ATP6V0A2: variants seen among roughly 807,000 people sequenced by gnomAD.
ATP6V0A2 encodes V-type proton ATPase 116 kDa subunit a 2.
Under a neutral mutation model 104.4 loss-of-function variants are expected in ATP6V0A2, and 58 were observed. That is an observed-to-expected ratio of 0.56 (90% CI 0.45 to 0.69). The LOEUF (loss-of-function observed/expected upper bound fraction) is 0.69, where lower values mean the gene tolerates loss of function less well. ATP6V0A2 is among the 30% of genes least tolerant of loss of function. The pLI, the probability that ATP6V0A2 is intolerant of heterozygous loss-of-function variation, is 0.00. For synonymous variants in ATP6V0A2, 376 were observed against 397.9 expected, an observed-to-expected ratio of 0.95 and a Z score of 0.65; for missense variants, 938 against 1,062.9, an observed-to-expected ratio of 0.88 and a Z score of 1.63.
chr12:123,739,910 T>C (rs1345666589), intron 9 of ATP6V0A2, among the ~76,000 whole-genome samples: 1 of 152,236 alleles, frequency 6.6e-6, no homozygotes, highest in Non-Finnish European at 1.5e-5. Flanking sequence ...AGTTTAGTTT[T>C]TTGTTTTGTT....
intron 2 of ATP6V0A2, chr12:123,721,282 A>C (rs1168191038): frequency 5.0e-6 from 1 of 201,534 alleles, no homozygotes; most frequent in Non-Finnish European, 1.1e-5. Flanking sequence ...TGTTCTTGCC[A>C]GTCTTGTTCC....
At chr12:123,715,503 G>A (rs1332398324) in intron 1 of ATP6V0A2, among the ~76,000 whole-genome samples, 1 of 152,218 alleles carries the variant, frequency 6.6e-6, no homozygotes, top group African/African-American at 2.4e-5. Context: ...CACTTACCAG[G>A]TTGAGCAGTT....
rs1186241431 is a variant in ATP6V0A2, at chr12:123,749,435, G to T, written c.1935+650G>T. 2.6e-5 allele frequency among the ~76,000 whole-genome samples: 4 copies of T among 152,306 alleles called. No homozygotes were observed. The East Asian group carries it at 7.7e-4, about 29-fold the overall frequency. On this transcript the variant is annotated intron_variant, in intron 15 of 19. Transcript: ENST00000330342. ...TGAGCTTTCCTCTCACTGTGCGTTT[G>T]TGTGCTGTCACAGTGGGCTCTAAGG... is the stretch of plus-strand genomic sequence containing the variant.
intron 9 of ATP6V0A2, among the ~76,000 whole-genome samples, chr12:123,742,613 G>A (rs1956620272): frequency 6.6e-6 from 1 of 152,194 alleles, no homozygotes; most frequent in Non-Finnish European, 1.5e-5. Context: ...GAGGTGGGCA[G>A]ATCACCTGAG....
chr12:123,718,876 T>C (rs1235566150), intron 2 of ATP6V0A2, among the ~76,000 whole-genome samples, 175 bp downstream of exon 2: 2 of 152,024 alleles, frequency 1.3e-5, no homozygotes, highest in African/African-American at 4.8e-5. Flanking sequence ...TATTTTTTTA[T>C]TCATCTATAA....
At chr12:123,742,998 A>T (rs1956623927) in intron 9 of ATP6V0A2, among the ~76,000 whole-genome samples, 1 of 152,210 alleles carries the variant, frequency 6.6e-6, no homozygotes. Context: ...GCCATAATAG[A>T]ATTCATGTTG....
chr12:123,724,556 C>T (rs1246691720), intron 3 of ATP6V0A2, 98 bp from the exon 4 acceptor site: 4 of 1,187,382 alleles, frequency 3.4e-6, no homozygotes, highest in Admixed American at 4.4e-5. Context: ...AAAAACAAAA[C>T]AAAAAAACCC....
At chr12:123,729,322 G>GTTTTTTTTTT (rs71308012) in intron 6 of ATP6V0A2, among the ~76,000 whole-genome samples, 3 of 113,890 alleles carry the variant, frequency 2.6e-5, no homozygotes, top group Non-Finnish European at 5.2e-5. Context: ...CAAGGAGGCT[G>GTTTTTTTTTT]TTTTTTTTTT....
chr12:123,758,210 C>A lies in ATP6V0A2; in HGVS notation c.*178C>A. The A allele has an allele frequency of 4.3e-6, 2 of 466,868 alleles. No homozygotes were observed. Among genetic ancestry groups the A allele is most frequent in the South Asian group, 4.4e-5 (1 of 22,966 alleles). 28.9% of individuals were successfully genotyped at this position (466,868 alleles called of 1,614,324 possible). A position where few individuals can be genotyped will look rare whatever the true frequency, so the allele number is the denominator to read the frequency against. Reference sequence around the variant, plus strand: ...TATGTTAAATATTTTGTAAAGTTTACCAATTTGAGATATAAAAATTTCTTT... The same window carrying A: ...TATGTTAAATATTTTGTAAAGTTTAACAATTTGAGATATAAAAATTTCTTT... On this transcript the variant is annotated 3_prime_UTR_variant, in exon 20 of 20. Transcript: ENST00000330342.
intron 4 of ATP6V0A2, among the ~76,000 whole-genome samples, chr12:123,725,060 C>T (rs556063456): frequency 2.0e-5 from 3 of 152,152 alleles, no homozygotes; most frequent in Non-Finnish European, 4.4e-5. Flanking sequence ...CTCAGCCTCT[C>T]GAATAGCTGG....
In ATP6V0A2 at chr12:123,722,394, T is replaced by C; in HGVS notation, c.240T>C (p.Pro80=). 1.2e-6 allele frequency: 2 copies of C among 1,613,272 alleles called. No individual in the cohort carries two copies. The highest frequency in any genetic ancestry group is 1.7e-6 in the Non-Finnish European group (2 of 1,179,176). The change falls in exon 3 of 20, where the codon CCT becomes CCC. Residue 80 remains proline (P), a synonymous_variant. Coordinates refer to ENST00000330342, the MANE Select transcript of ATP6V0A2 (RefSeq NM_012463.4). ...TTAATAGAGCTGATATTCCCCTTCC[T>C]GAAGGAGAGGCCAGCCCTCCTGCGC... ...QEINRADIPL[P]EGEASPPAPP... is the part of the protein sequence containing the mutation.
Position 123,735,528 on chromosome 12 carries a change from C to T in ATP6V0A2, c.732-3C>T, listed in dbSNP as rs1371899202. 2.5e-6 allele frequency: 4 copies of T among 1,613,590 alleles called. No homozygotes were observed. Among genetic ancestry groups the T allele is most frequent in the Non-Finnish European group, 3.4e-6 (4 of 1,179,616 alleles). ...GAGACTGTGTTCAACTCTTGTCTTC[C>T]AGCTACCACTGCCACGTGTACCCCT... On this transcript the variant is annotated splice_polypyrimidine_tract_variant and splice_region_variant and intron_variant, in intron 7 of 19. Transcript: ENST00000330342.
At position 123,744,287 on chromosome 12, in the gene ATP6V0A2, C is replaced by T. The variant is rs564081274; in HGVS notation, c.1276C>T (p.Leu426Phe). Residue 426 changes from leucine (L) to phenylalanine (F), a missense_variant, in exon 11 of 20, where the codon CTC becomes TTC. By Grantham distance (22) the Leu-to-Phe change is conservative (BLOSUM62 0). Coordinates refer to ENST00000330342, the MANE Select transcript of ATP6V0A2 (RefSeq NM_012463.4). This position sits in a 1 kb window ranked among gnomAD's most constrained non-coding sequence, Gnocchi z 5.4. ...TGGCTTTGTGATGTTTTTATTTGCC[C>T]TCTTGTTGGTGTTAAATGAAAATCA... ...GHGFVMFLFA[L>F]LLVLNENHPR... is the part of the protein sequence containing the mutation. 2 of 1,614,146 alleles carry T rather than the reference C, an allele frequency of 1.2e-6. No homozygotes were observed. The highest frequency in any genetic ancestry group is 2.2e-5 in the South Asian group (2 of 91,082).
intron 1 of ATP6V0A2, among the ~76,000 whole-genome samples, chr12:123,718,288 C>A (rs1371826386): frequency 6.6e-6 from 1 of 152,016 alleles, no homozygotes; most frequent in East Asian, 1.9e-4. Flanking sequence ...TGGGATTTCA[C>A]CATGTTGGCC....
At chr12:123,747,872 T>A in intron 14 of ATP6V0A2, 147 bp downstream of exon 14, 1 of 642,352 alleles carries the variant, frequency 1.6e-6, no homozygotes, top group South Asian at 1.8e-5. Flanking sequence ...TTATTTAGAT[T>A]TTCTGTGGTT....
Position 123,758,133 on chromosome 12 carries a change from T to G in ATP6V0A2, c.*101T>G. ...TATGATAGGAAAAATTCCATCTTCA[T>G]TACTGCCTTATGACATAGCCAAATA... On this transcript the variant is annotated 3_prime_UTR_variant, in exon 20 of 20. Transcript: ENST00000330342. The G allele has an allele frequency of 1.2e-6, 1 of 814,858 alleles. No homozygotes were observed. The highest frequency in any genetic ancestry group is 2.1e-6 in the Non-Finnish European group (1 of 478,404). 50.5% of individuals were successfully genotyped at this position (814,858 alleles called of 1,614,324 possible).
chr12:123,722,466 A>T lies in ATP6V0A2; in HGVS notation c.294+18A>T. ...AAATGCAGGTAACTTGCTTCTGACG[A>T]AGCTGGTTGCAGCCATTGATCTTGG... is the stretch of plus-strand genomic sequence containing the variant. On this transcript the variant is annotated intron_variant, in intron 3 of 19. Transcript: ENST00000330342. The T allele has an allele frequency of 6.7e-7, 1 of 1,500,250 alleles. No homozygotes were observed. Among genetic ancestry groups the T allele is most frequent in the Non-Finnish European group, 9.3e-7 (1 of 1,076,246 alleles). 92.9% of individuals were successfully genotyped at this position (1,500,250 alleles called of 1,614,324 possible). A position where few individuals can be genotyped will look rare whatever the true frequency, so the allele number is the denominator to read the frequency against.
chr12:123,716,788 CAAAAA>C (rs376468660), intron 1 of ATP6V0A2, among the ~76,000 whole-genome samples: 2 of 127,826 alleles, frequency 1.6e-5, no homozygotes, highest in African/African-American at 2.9e-5. Context: ...GATCCTGTCT[CAAAAA>C]AAAAAAAAAA....
In ATP6V0A2 at chr12:123,751,229, G is replaced by A. The variant is rs1268312684; in HGVS notation, c.2055G>A (p.Arg685=). ...HNGRSCFGVN[R]SGYTLIRKDS... The stretch of plus-strand genomic sequence containing the variant: ...GGCGTAGTTGCTTCGGGGTGAACCG[G>A]GTAAGTGCGGGTTTGGATGCATTTA... Residue 685 remains arginine (R), a splice_region_variant and synonymous_variant, in exon 16 of 20, where the codon CGG becomes CGA. Transcript: ENST00000330342. 1.2e-6 allele frequency: 2 copies of A among 1,614,136 alleles called. No homozygotes were observed. Among genetic ancestry groups the A allele is most frequent in the East Asian group, 2.2e-5 (1 of 44,870 alleles).
Sources: gnomAD v4.1 joint callset for allele counts (sites outside exome capture counted in the v4.1 genomes callset) on GRCh38, gnomAD v4.1.1 for gene constraint, Gnocchi (gnomAD v3.1) non-coding constraint, MANE v1.5 for transcripts, NCBI Gene and HGNC (gene_info 2026-07-23, HGNC 2026-07-21) for gene names.